GRM5: variants seen among roughly 807,000 people sequenced by gnomAD.
GRM5 encodes glutamate metabotropic receptor 5, also known as metabotropic glutamate receptor 5.
In GRM5, 19 loss-of-function variants were observed where a neutral mutation model predicts 83.1. The ratio of observed to expected loss-of-function variants is 0.23; its 90% CI spans 0.16 to 0.34. The LOEUF is 0.34. Ranked by LOEUF, GRM5 falls within the 10% of genes least tolerant of loss-of-function variation. The probability of loss-of-function intolerance (pLI) is 1.00; values close to 1 mark genes in which losing one functional copy is unlikely to be tolerated. For synonymous variants in GRM5, 675 were observed against 633.6 expected (o/e 1.07, Z -0.98); for missense variants, 1,160 against 1,588.3 (o/e 0.73, Z 4.58).
intron 2 of GRM5, among the ~76,000 whole-genome samples, chr11:89,031,241 T>C (rs1223742836): frequency 6.6e-6 from 1 of 151,958 alleles, no homozygotes; most frequent in Non-Finnish European, 1.5e-5. Flanking sequence ...ACTAAACTTT[T>C]TATGCCAGCA....
At position 88,893,747 on chromosome 11, in the gene GRM5, C is replaced by T. The variant is rs199542191; in HGVS notation, c.662-43592G>A. 9.2e-5 allele frequency among the ~76,000 whole-genome samples: 14 copies of T among 152,008 alleles called. No homozygotes were observed. In the East Asian group the frequency reaches 1.7e-3, roughly 19 times the overall value. On this transcript the variant is annotated intron_variant, in intron 2 of 9. Coordinates refer to ENST00000305447, the MANE Select transcript of GRM5 (RefSeq NM_001143831.3). Reference sequence around the variant, plus strand: ...ATCTTTCTTCCAGGAACCCTTAGATCGAACCAAGAGGAGCCCTAGCTGCTG... The same window carrying T: ...ATCTTTCTTCCAGGAACCCTTAGATTGAACCAAGAGGAGCCCTAGCTGCTG...
intron 8 of GRM5, among the ~76,000 whole-genome samples, chr11:88,549,713 G>A (rs2135144801): frequency 6.6e-6 from 1 of 152,146 alleles, no homozygotes; most frequent in East Asian, 1.9e-4. Flanking sequence ...CTGGTGGCTG[G>A]ATCCAAGGTT....
chr11:89,022,006 C>T (rs1354498807), intron 2 of GRM5, among the ~76,000 whole-genome samples: 1 of 152,118 alleles, frequency 6.6e-6, no homozygotes, highest in Non-Finnish European at 1.5e-5. Context: ...AACAAACGTT[C>T]TTAACAAAAC....
rs200232107 is a variant in GRM5 at position 88,509,299 on chromosome 11, C to T, written c.2932G>A (p.Gly978Ser). 1,925 of 1,534,786 alleles carry T rather than the reference C, an allele frequency of 1.3e-3. 19 individuals carry two copies. In the African/African-American group the frequency reaches 0.021, roughly 17 times the overall value. The change falls in exon 10 of 10, where the codon GGC becomes AGC. Residue 978 changes from glycine to serine, a missense_variant. This residue lies in a region of GRM5 where 562 missense variants were observed against 532.4 expected (regional missense o/e 1.06). Transcript: ENST00000305447. Reference sequence around the variant, plus strand: ...CCGGCGCCTGCGCAGCCCGCACCGCCCGTGGCCCCCACGCCCCCAGCGCTC... The same window carrying T: ...CCGGCGCCTGCGCAGCCCGCACCGCTCGTGGCCCCCACGCCCCCAGCGCTC... ...GGSAGGVGAT[G>S]GAGCAGAGPG... is the part of the protein sequence containing the mutation.
At chr11:88,699,372 T>C (rs1940975958) in intron 3 of GRM5, among the ~76,000 whole-genome samples, 1 of 152,144 alleles carries the variant, frequency 6.6e-6, no homozygotes, top group African/African-American at 2.4e-5. Flanking sequence ...CTAGGCCTTA[T>C]CTCTTTCTTA....
At chr11:88,972,456 C>G (rs1939196225) in intron 2 of GRM5, among the ~76,000 whole-genome samples, 1 of 152,030 alleles carries the variant, frequency 6.6e-6, no homozygotes, top group South Asian at 2.1e-4. Context: ...TAACTCTTAA[C>G]AATAATAATG....
intron 3 of GRM5, among the ~76,000 whole-genome samples, chr11:88,725,587 C>T (rs1941658592): frequency 6.6e-6 from 1 of 152,178 alleles, no homozygotes; most frequent in African/African-American, 2.4e-5. Context: ...TGCCTCTGGA[C>T]TGGGAGACAC....
At chr11:88,643,909 C>A (rs773497202) in intron 4 of GRM5, among the ~76,000 whole-genome samples, 1 of 152,124 alleles carries the variant, frequency 6.6e-6, no homozygotes. Flanking sequence ...CCTCTAACAA[C>A]CCACTTCAAA....
At chr11:88,837,940 C>A (rs1944121760) in intron 3 of GRM5, among the ~76,000 whole-genome samples, 1 of 151,664 alleles carries the variant, frequency 6.6e-6, no homozygotes, top group Non-Finnish European at 1.5e-5. Context: ...AAAAAATTAG[C>A]CAGGCGTGGT....
rs868445694 is a variant in GRM5 at position 88,976,286 on chromosome 11, C to T, written c.661+70926G>A. On this transcript the variant is annotated intron_variant, in intron 2 of 9. Coordinates refer to ENST00000305447, the MANE Select transcript of GRM5 (RefSeq NM_001143831.3). ...AAATTGTGACCAAGTTGGAGAGAAT[C>T]GGATTGTGGTTGTGACAGTAATTAA... 7.2e-5 allele frequency among the ~76,000 whole-genome samples: 11 copies of T among 152,016 alleles called. No individual in the cohort carries two copies. In the South Asian group the frequency reaches 1.4e-3, roughly 20 times the overall value.
chr11:88,642,666 T>C (rs994425104), intron 4 of GRM5, among the ~76,000 whole-genome samples: 3 of 152,110 alleles, frequency 2.0e-5, no homozygotes, highest in Non-Finnish European at 4.4e-5. Flanking sequence ...TGCTTAGAAA[T>C]TTCCTTAGCA....
At chr11:88,798,756 A>T (rs1336207545) in intron 3 of GRM5, among the ~76,000 whole-genome samples, 1 of 148,130 alleles carries the variant, frequency 6.8e-6, no homozygotes, top group East Asian at 2.0e-4. Context: ...CCTGACACTG[A>T]GTCAAAGTCA....
chr11:89,061,588 A>T (rs1464362160), intron 1 of GRM5, among the ~76,000 whole-genome samples: 1 of 152,234 alleles, frequency 6.6e-6, no homozygotes, highest in Non-Finnish European at 1.5e-5. Flanking sequence ...TAGTTAATCA[A>T]GTATTCCCAA....
intron 3 of GRM5, among the ~76,000 whole-genome samples, chr11:88,801,896 A>G (rs542614530): frequency 6.6e-6 from 1 of 152,258 alleles, no homozygotes; most frequent in Admixed American, 6.6e-5. Flanking sequence ...CAGAGAATTT[A>G]GTATGCTGAG....
At chr11:88,647,198 C>G (rs2135295793) in intron 4 of GRM5, among the ~76,000 whole-genome samples, 1 of 152,148 alleles carries the variant, frequency 6.6e-6, no homozygotes, top group East Asian at 1.9e-4. Flanking sequence ...GGGGCCTACC[C>G]TACTACAGTA....
intron 2 of GRM5, among the ~76,000 whole-genome samples, chr11:89,014,104 A>G (rs1940785008): frequency 6.6e-6 from 1 of 152,188 alleles, no homozygotes; most frequent in Admixed American, 6.5e-5. Context: ...GCACACATAC[A>G]TATACACAAA....
intron 2 of GRM5, among the ~76,000 whole-genome samples, chr11:88,874,218 AT>A: frequency 6.6e-6 from 1 of 151,890 alleles, no homozygotes; most frequent in South Asian, 2.1e-4. Flanking sequence ...TCATGCTTGC[AT>A]GGTATTTGCA....
At chr11:88,889,731 T>A (rs1446515804) in intron 2 of GRM5, among the ~76,000 whole-genome samples, 3 of 152,212 alleles carry the variant, frequency 2.0e-5, no homozygotes, top group Non-Finnish European at 2.9e-5. Flanking sequence ...GACTAAATCA[T>A]CTTTCTCCAT....
At chr11:88,792,675 T>C (rs1943198504) in intron 3 of GRM5, among the ~76,000 whole-genome samples, 1 of 152,108 alleles carries the variant, frequency 6.6e-6, no homozygotes, top group African/African-American at 2.4e-5. Flanking sequence ...CTGCACATAT[T>C]GTGTGTCCCA....
Sources: gnomAD v4.1 joint callset for allele counts (sites outside exome capture counted in the v4.1 genomes callset) on GRCh38, gnomAD v4.1.1 for gene constraint, gnomAD v4.1.1 regional missense constraint, MANE v1.5 for transcripts, NCBI Gene and HGNC (gene_info 2026-07-23, HGNC 2026-07-21) for gene names.